The following FHOD3 variants were observed in gnomAD, a reference collection of about 807,000 sequenced individuals.
FHOD3 encodes formin homology 2 domain containing 3.
FHOD3 carries 90 observed loss-of-function variants against 173.0 expected under a neutral mutation model. The ratio of observed to expected loss-of-function variants is 0.52; its 90% CI spans 0.44 to 0.62. The LOEUF (loss-of-function observed/expected upper bound fraction) is 0.62. Ranked by LOEUF, FHOD3 falls within the 20% of genes least tolerant of loss-of-function variation. FHOD3 has a pLI of 0.00. For missense variants in FHOD3, 1,945 were observed against 2,034.7 expected (o/e 0.96, Z 0.85); for synonymous variants, 828 against 823.0 (o/e 1.01, Z -0.10).
chr18:36,411,975 TC>T (rs1267598023), intron 3 of FHOD3, among the ~76,000 whole-genome samples: 1 of 152,236 alleles, frequency 6.6e-6, no homozygotes, highest in Non-Finnish European at 1.5e-5. Context: ...AATAGACTCT[TC>T]CTGGTGGCCC....
At position 36,426,095 on chromosome 18, in the gene FHOD3, G is replaced by A. The variant is rs573431882; in HGVS notation, c.337+53351G>A. Among the ~76,000 whole-genome samples, 16 of 151,804 alleles carry A rather than the reference G, an allele frequency of 1.1e-4. No homozygotes were observed. The East Asian group carries it at 1.6e-3, about 15-fold the overall frequency. On this transcript the variant is annotated intron_variant, in intron 3 of 28. Transcript: ENST00000590592. ...AATTTTTTGTATTTTTAGTGGAGAC[G>A]GGGTTTCACCATGTTAGCCAGAATG... is the stretch of plus-strand genomic sequence containing the variant.
chr18:36,443,210 C>T (rs1034556056), intron 3 of FHOD3, among the ~76,000 whole-genome samples: 74 of 152,192 alleles, frequency 4.9e-4, no homozygotes, highest in Admixed American at 4.0e-3. Flanking sequence ...ACATCCTGCT[C>T]ATCATGCTTT....
chr18:36,598,975 A>C (rs1160963425), intron 7 of FHOD3, among the ~76,000 whole-genome samples: 1 of 152,206 alleles, frequency 6.6e-6, no homozygotes, highest in Non-Finnish European at 1.5e-5. Flanking sequence ...AGACCACTGG[A>C]TCATCTTCTC....
intron 14 of FHOD3, among the ~76,000 whole-genome samples, chr18:36,665,504 G>A (rs1187970060): frequency 6.6e-6 from 1 of 151,972 alleles, no homozygotes; most frequent in Non-Finnish European, 1.5e-5. Context: ...TGTTGTGGGG[G>A]ATACCCCTGG....
chr18:36,629,619 A>G (rs943331688), intron 10 of FHOD3, among the ~76,000 whole-genome samples: 2 of 152,230 alleles, frequency 1.3e-5, no homozygotes, highest in African/African-American at 4.8e-5. Context: ...ATTTGGTGTT[A>G]GAGCAAGGAA....
At chr18:36,605,121 G>A (rs539138864) in intron 8 of FHOD3, among the ~76,000 whole-genome samples, 1 of 152,122 alleles carries the variant, frequency 6.6e-6, no homozygotes, top group Non-Finnish European at 1.5e-5. Context: ...CTTTTTGTGA[G>A]CTCATTTTAC....
At chr18:36,672,574 G>GT (rs903321393) in intron 14 of FHOD3, among the ~76,000 whole-genome samples, 2 of 152,174 alleles carry the variant, frequency 1.3e-5, no homozygotes, top group Non-Finnish European at 2.9e-5. Context: ...AAGCCCCGGC[G>GT]TGCAGATACT....
intron 6 of FHOD3, among the ~76,000 whole-genome samples, chr18:36,586,813 C>T (rs2148205438): frequency 6.6e-6 from 1 of 152,180 alleles, no homozygotes; most frequent in South Asian, 2.1e-4. Flanking sequence ...TCATAATTAC[C>T]TTGAATATCT....
chr18:36,742,627 C>A, intron 21 of FHOD3, 110 bp from the exon 22 acceptor site: 1 of 1,229,330 alleles, frequency 8.1e-7, no homozygotes, highest in Non-Finnish European at 1.1e-6. Context: ...CGGGGGATTG[C>A]CTTGTGCTGG....
In FHOD3 at chr18:36,693,303, C is replaced by T. The variant is rs773505134; in HGVS notation, c.2116C>T (p.Leu706=). 5.4e-5 allele frequency: 87 copies of T among 1,613,884 alleles called. No homozygotes were observed. The highest frequency in any genetic ancestry group is 7.2e-5 in the Non-Finnish European group (85 of 1,179,850). The change falls in exon 17 of 29, where the codon CTG becomes TTG. Residue 706 remains leucine, a synonymous_variant. Transcript: ENST00000590592. ...SRGRADLSLD[L]TSPAAPACLA... is the part of the protein sequence containing the mutation. ...GGGCAGAGCCGACCTCTCCTTGGAC[C>T]TGACCTCGCCAGCAGCCCCAGCCTG...
At position 36,644,453 on chromosome 18, in the gene FHOD3, C is replaced by T. The variant is rs567885401; in HGVS notation, c.1197-4863C>T. On this transcript the variant is annotated intron_variant, in intron 10 of 28. Transcript: ENST00000590592. ...CCCTAGGAGAGGATATTTCCTTCTCCACCCCTTTGCATTATAGGCAAGGCC... is the reference window on the plus strand; with the variant it reads ...CCCTAGGAGAGGATATTTCCTTCTCTACCCCTTTGCATTATAGGCAAGGCC... Among the ~76,000 whole-genome samples the T allele has an allele frequency of 4.6e-5, 7 of 152,296 alleles. No homozygotes were observed. The South Asian group carries it at 8.3e-4, about 18-fold the overall frequency.
At chr18:36,539,741 A>G (rs1232950092) in intron 5 of FHOD3, among the ~76,000 whole-genome samples, 1 of 152,178 alleles carries the variant, frequency 6.6e-6, no homozygotes, top group Admixed American at 6.5e-5. Context: ...TTCTGAGACT[A>G]TTTTTGAACC....
chr18:36,349,123 T>G lies in FHOD3; in HGVS notation c.166-6416T>G, dbSNP rs567481131. 2.6e-5 allele frequency among the ~76,000 whole-genome samples: 4 copies of G among 152,344 alleles called. No individual in the cohort carries two copies. In the South Asian group the frequency reaches 8.3e-4, roughly 32 times the overall value. ...TCTATCATGTGGGTCATCTGGAGGC[T>G]TGGCCATCCAGGCTGGCCTCGCGTG... On this transcript the variant is annotated intron_variant, in intron 1 of 28. Coordinates refer to ENST00000590592, the MANE Select transcript of FHOD3 (RefSeq NM_001281740.3).
intron 4 of FHOD3, among the ~76,000 whole-genome samples, chr18:36,508,412 G>A (rs1028044003): frequency 5.3e-5 from 8 of 152,022 alleles, no homozygotes; most frequent in African/African-American, 1.2e-4. Flanking sequence ...AGTAGGAAAC[G>A]TAATAAAATA....
At chr18:36,503,566 G>C (rs549165536) in intron 4 of FHOD3, among the ~76,000 whole-genome samples, 1 of 152,282 alleles carries the variant, frequency 6.6e-6, no homozygotes, top group South Asian at 2.1e-4. Context: ...CAACAGCCAT[G>C]GTTTTGAACC....
chr18:36,573,958 G>A (rs930307976), intron 5 of FHOD3, among the ~76,000 whole-genome samples: 8 of 152,148 alleles, frequency 5.3e-5, no homozygotes, highest in African/African-American at 1.4e-4. Context: ...AAACACATAC[G>A]TGCTCACCCA....
intron 19 of FHOD3, among the ~76,000 whole-genome samples, chr18:36,724,687 G>A (rs1319009872): frequency 6.6e-6 from 1 of 152,122 alleles, no homozygotes; most frequent in Admixed American, 6.5e-5. Flanking sequence ...TCTTGGCTGT[G>A]CACACCCCTG....
At chr18:36,360,911 T>C (rs1169189251) in intron 2 of FHOD3, among the ~76,000 whole-genome samples, 1 of 152,146 alleles carries the variant, frequency 6.6e-6, no homozygotes, top group Non-Finnish European at 1.5e-5. Flanking sequence ...TTTAGACTGG[T>C]GGAATGGGAA....
At chr18:36,553,956 A>G (rs796296845) in intron 5 of FHOD3, among the ~76,000 whole-genome samples, 11 of 152,358 alleles carry the variant, frequency 7.2e-5, no homozygotes, top group African/African-American at 2.4e-4. Flanking sequence ...CACACCAGTT[A>G]GAATGGCGAT....
Sources: allele counts gnomAD v4.1 joint callset (sites outside exome capture counted in the v4.1 genomes callset), GRCh38; gene constraint gnomAD v4.1.1; transcripts MANE v1.5; gene names NCBI Gene and HGNC (gene_info 2026-07-23, HGNC 2026-07-21).